NFIB: variants seen among roughly 807,000 people sequenced by gnomAD.
NFIB encodes nuclear factor I B.
A neutral mutation model predicts 61.5 loss-of-function variants in NFIB; 11 were observed. The observed-to-expected ratio is 0.18, with a 90% CI of 0.11 to 0.30. The LOEUF (loss-of-function observed/expected upper bound fraction) is 0.30, where lower values mean the gene tolerates loss of function less well. Among genes scored for constraint, NFIB ranks in the 10% least tolerant of loss-of-function variants. The pLI is 1.00. For synonymous variants in NFIB, 260 were observed against 216.5 expected (o/e 1.20, Z -1.76); for missense variants, 471 against 608.9 (o/e 0.77, Z 2.38).
intron 2 of NFIB, among the ~76,000 whole-genome samples, chr9:14,264,801 G>T (rs1315822307): frequency 6.6e-6 from 1 of 152,020 alleles, no homozygotes; most frequent in Non-Finnish European, 1.5e-5. Context: ...AACTTGAAAG[G>T]AAATCTGGGC....
chr9:14,101,458 G>T (rs2035774297), intron 10 of NFIB, among the ~76,000 whole-genome samples: 2 of 152,220 alleles, frequency 1.3e-5, no homozygotes, highest in South Asian at 4.1e-4. Context: ...TATGGAGATA[G>T]GCAGACGATC....
chr9:14,209,625 T>C (rs1340622432), intron 2 of NFIB, among the ~76,000 whole-genome samples: 1 of 152,208 alleles, frequency 6.6e-6, no homozygotes, highest in Non-Finnish European at 1.5e-5. Flanking sequence ...TCACTTTGGA[T>C]ATGGTATTGG....
rs1053175740 is a variant in NFIB at position 14,084,043 on chromosome 9, T to A, written c.*4266A>T. On this transcript the variant is annotated 3_prime_UTR_variant, in exon 11 of 11. Transcript: ENST00000380953. ...ACTAAATACAACAAAATAACCTTCA[T>A]AAAATATAACTTTTCTCCATTTACA... is the stretch of plus-strand genomic sequence containing the variant. 4.7e-6 allele frequency: 1 copy of A among 211,030 alleles called. No individual in the cohort carries two copies. The highest frequency in any genetic ancestry group is 2.3e-5 in the African/African-American group (1 of 44,042). The allele number at this position is 211,030 out of a possible 1,614,324, so 13.1% of individuals were successfully genotyped here.
chr9:14,306,070 A>C (rs2060001281), intron 2 of NFIB: 4 of 709,596 alleles, frequency 5.6e-6, no homozygotes, highest in Non-Finnish European at 8.6e-6. Flanking sequence ...CATTTCATTA[A>C]CTCAAATATT....
chr9:14,451,968 GC>G, the NFIB span, among the ~76,000 whole-genome samples: 3 of 152,052 alleles, frequency 2.0e-5, no homozygotes, highest in Non-Finnish European at 4.4e-5. Flanking sequence ...GCCCCTTGGG[GC>G]TGGGGCGAGG....
intron 2 of NFIB, among the ~76,000 whole-genome samples, chr9:14,272,694 A>C (rs2057716180): frequency 2.4e-4 from 1 of 4,136 alleles, no homozygotes; most frequent in African/African-American, 4.5e-4. Flanking sequence ...AATTCTCGCA[A>C]AAAAAAAAAA....
At chr9:14,217,748 C>A (rs376702832) in intron 2 of NFIB, among the ~76,000 whole-genome samples, 2 of 149,986 alleles carry the variant, frequency 1.3e-5, no homozygotes, top group Non-Finnish European at 3.0e-5. Context: ...CTGCTCCAAA[C>A]ACTCATATTG....
intron 1 of NFIB, among the ~76,000 whole-genome samples, chr9:14,325,007 C>T (rs748719726): frequency 6.6e-5 from 10 of 151,972 alleles, no homozygotes; most frequent in Non-Finnish European, 8.8e-5. Flanking sequence ...TAATCTACAA[C>T]GTCGCCTGCT....
chr9:14,130,769 A>G (rs931884787), intron 6 of NFIB, among the ~76,000 whole-genome samples: 4 of 152,224 alleles, frequency 2.6e-5, no homozygotes, highest in Non-Finnish European at 5.9e-5. Flanking sequence ...CATGTGAAAG[A>G]AACTGTATTA....
the NFIB span, among the ~76,000 whole-genome samples, chr9:14,505,730 C>T: frequency 6.6e-6 from 1 of 152,074 alleles, no homozygotes; most frequent in Admixed American, 6.5e-5. Flanking sequence ...AGCAGGAATG[C>T]CATGGAGCTG....
chr9:14,446,826 T>C, the NFIB span, among the ~76,000 whole-genome samples: 3 of 152,278 alleles, frequency 2.0e-5, no homozygotes, highest in South Asian at 6.2e-4. Context: ...TCAACTTTAA[T>C]AATCATCATT....
At chr9:14,371,697 C>A (rs1285843497) in intron 1 of NFIB, among the ~76,000 whole-genome samples, 2 of 152,148 alleles carry the variant, frequency 1.3e-5, no homozygotes, top group Non-Finnish European at 2.9e-5. Flanking sequence ...AAGATCTGGC[C>A]ACAGGAGTGG....
chr9:14,230,598 G>A (rs1285029901), intron 2 of NFIB, among the ~76,000 whole-genome samples: 2 of 152,116 alleles, frequency 1.3e-5, no homozygotes, highest in Non-Finnish European at 2.9e-5. Context: ...AAAAATACAT[G>A]AAAGAGAAAA....
At position 14,287,228 on chromosome 9, in the gene NFIB, G is replaced by A. The variant is rs559162401; in HGVS notation, c.562+19761C>T. ...GGGCGGATCACGAGGTCAGGAGATC[G>A]AGACCATCCTGGCTAACACGGTGAA... On this transcript the variant is annotated intron_variant, in intron 2 of 10. Coordinates refer to ENST00000380953, the MANE Select transcript of NFIB (RefSeq NM_001190737.2). 1.5e-4 allele frequency among the ~76,000 whole-genome samples: 22 copies of A among 151,200 alleles called. 1 individual carries two copies. The South Asian group carries it at 4.0e-3, about 27-fold the overall frequency.
intron 2 of NFIB, among the ~76,000 whole-genome samples, chr9:14,246,320 C>G (rs1017017488): frequency 6.6e-6 from 1 of 152,160 alleles, no homozygotes; most frequent in Non-Finnish European, 1.5e-5. Flanking sequence ...GAAGCTCCCA[C>G]TGCTCTCCAC....
At chr9:14,507,188 C>T in the NFIB span, among the ~76,000 whole-genome samples, 1 of 152,162 alleles carries the variant, frequency 6.6e-6, no homozygotes, top group African/African-American at 2.4e-5. Context: ...TAAGGTTAAA[C>T]AAAATCAGTC....
At chr9:14,115,020 T>G (rs1049381344) in intron 9 of NFIB, among the ~76,000 whole-genome samples, 3 of 152,218 alleles carry the variant, frequency 2.0e-5, no homozygotes, top group Non-Finnish European at 4.4e-5. Flanking sequence ...TTCAGGGAAG[T>G]ATTCTAAGCA....
rs370036614 is a variant in NFIB at position 14,287,486 on chromosome 9, C to T, written c.562+19503G>A. Among the ~76,000 whole-genome samples the T allele has an allele frequency of 6.6e-5, 10 of 152,022 alleles. No individual in the cohort carries two copies. In the South Asian group the frequency reaches 8.3e-4, roughly 13 times the overall value. ...TTGCTCAGGCCGCAGCGCAATGGCG[C>T]GATCTCGGCTCACTGCAACCTCTGC... is the stretch of plus-strand genomic sequence containing the variant. On this transcript the variant is annotated intron_variant, in intron 2 of 10. Coordinates refer to ENST00000380953, the MANE Select transcript of NFIB (RefSeq NM_001190737.2).
chr9:14,216,704 G>A (rs957109412), intron 2 of NFIB, among the ~76,000 whole-genome samples: 15 of 152,026 alleles, frequency 9.9e-5, no homozygotes, highest in African/African-American at 3.6e-4. Context: ...CCATACCCAG[G>A]TCAGGTCTAC....
Sources: allele counts gnomAD v4.1 joint callset (sites outside exome capture counted in the v4.1 genomes callset), GRCh38; gene constraint gnomAD v4.1.1; transcripts MANE v1.5; gene names NCBI Gene and HGNC (gene_info 2026-07-23, HGNC 2026-07-21).